FERMT2: variants seen among roughly 807,000 people sequenced by gnomAD.
FERMT2 encodes the protein fermitin family homolog 2.
In FERMT2, 15 loss-of-function variants were observed where a neutral mutation model predicts 82.7. The observed-to-expected ratio is 0.18, with a 90% CI of 0.12 to 0.28. The LOEUF is 0.28. FERMT2 is among the 10% of genes least tolerant of loss of function. The probability of loss-of-function intolerance (pLI) is 1.00; values close to 1 mark genes in which losing one functional copy is unlikely to be tolerated. For missense variants in FERMT2, 645 were observed against 809.4 expected, an observed-to-expected ratio of 0.80 and a Z score of 2.46; for synonymous variants, 274 against 271.5, an observed-to-expected ratio of 1.01 and a Z score of -0.09.
chr14:52,897,335 G>A (rs1272173443), intron 3 of FERMT2, among the ~76,000 whole-genome samples: 2 of 152,066 alleles, frequency 1.3e-5, no homozygotes, highest in African/African-American at 4.8e-5. Context: ...CACTGGAATA[G>A]AATTACTGGA....
intron 10 of FERMT2, among the ~76,000 whole-genome samples, chr14:52,866,848 G>A (rs971175118): frequency 1.3e-5 from 2 of 152,106 alleles, no homozygotes; most frequent in Non-Finnish European, 2.9e-5. Flanking sequence ...TCCACGCAGT[G>A]CAAGAGGCAT....
chr14:52,910,177 A>C (rs1226833283), intron 3 of FERMT2, among the ~76,000 whole-genome samples: 2 of 152,202 alleles, frequency 1.3e-5, no homozygotes, highest in Admixed American at 1.3e-4. Flanking sequence ...TAATTACAAA[A>C]ATTTTTTAAA....
At chr14:52,945,392 C>T (rs1027957434) in intron 2 of FERMT2, among the ~76,000 whole-genome samples, 18 of 151,638 alleles carry the variant, frequency 1.2e-4, no homozygotes, top group Non-Finnish European at 2.1e-4. Context: ...GGATTACAGG[C>T]GCCCGCTACC....
intron 2 of FERMT2, among the ~76,000 whole-genome samples, chr14:52,938,938 A>G (rs1312187156): frequency 6.6e-6 from 1 of 152,188 alleles, no homozygotes; most frequent in East Asian, 1.9e-4. Flanking sequence ...TATATGTGGA[A>G]GCATAAAATC....
chr14:52,927,589 C>CTG (rs1448645714), intron 2 of FERMT2, among the ~76,000 whole-genome samples: 1 of 36,430 alleles, frequency 2.7e-5, no homozygotes, highest in Non-Finnish European at 5.1e-5. Flanking sequence ...AACCTCATCC[C>CTG]TATAAAAAAA....
At position 52,931,639 on chromosome 14, in the gene FERMT2, T is replaced by C. The variant is rs187966266; in HGVS notation, c.158-12283A>G. ...GAGGGGAAGCTAGAAAGTTCCTAGC[T>C]TGATAATTAAATAGATGATAATAGC... On this transcript the variant is annotated intron_variant, in intron 2 of 14. Coordinates refer to ENST00000341590, the MANE Select transcript of FERMT2 (RefSeq NM_006832.3). 1.8e-4 allele frequency among the ~76,000 whole-genome samples: 27 copies of C among 152,324 alleles called. No homozygotes were observed. In the East Asian group the frequency reaches 4.8e-3, roughly 27 times the overall value.
chr14:52,858,381 A>G lies in FERMT2; in HGVS notation c.2039T>C (p.Val680Ala). ...TTCATTAAACAGTATTCCTATTCAC[A>G]CCCAACCACTGGTAAGTTTGTAGAA... is the stretch of plus-strand genomic sequence containing the variant. Reference protein sequence around the residue: ...EMFYKLTSGWV With the variant: ...EMFYKLTSGWA The change falls in exon 15 of 15, where the codon GTG (valine) becomes GCG (alanine). Residue 680 changes from valine to alanine, a missense_variant. Coordinates refer to ENST00000341590, the MANE Select transcript of FERMT2 (RefSeq NM_006832.3). 6.2e-7 allele frequency: 1 copy of G among 1,613,650 alleles called. No individual in the cohort carries two copies. Among genetic ancestry groups the G allele is most frequent in the Non-Finnish European group, 8.5e-7 (1 of 1,179,610 alleles).
At chr14:52,892,995 A>C (rs1887038309) in intron 4 of FERMT2, among the ~76,000 whole-genome samples, 1 of 152,090 alleles carries the variant, frequency 6.6e-6, no homozygotes, top group Non-Finnish European at 1.5e-5. Flanking sequence ...AAAATGCTGA[A>C]GGAGAGTTTA....
chr14:52,901,166 AGCTACTCCGGAG>A (rs1164704960), intron 3 of FERMT2, among the ~76,000 whole-genome samples: 4 of 147,328 alleles, frequency 2.7e-5, no homozygotes, highest in African/African-American at 1.0e-4. Flanking sequence ...CTGTAGTCCC[AGCTACTCCGGAG>A]GCTGAGGCAG....
chr14:52,867,955 T>C (rs1332067280), intron 10 of FERMT2, among the ~76,000 whole-genome samples: 1 of 152,192 alleles, frequency 6.6e-6, no homozygotes, highest in Non-Finnish European at 1.5e-5. Context: ...TTTGGATTAC[T>C]ATCATCTCTC....
At chr14:52,862,439 A>T (rs957007870) in intron 12 of FERMT2, among the ~76,000 whole-genome samples, 2 of 152,110 alleles carry the variant, frequency 1.3e-5, no homozygotes, top group Non-Finnish European at 2.9e-5. Context: ...AGGCCAAGGC[A>T]GGCAGATCAC....
intron 2 of FERMT2, among the ~76,000 whole-genome samples, chr14:52,941,387 C>T (rs1224455633): frequency 3.3e-5 from 5 of 151,908 alleles, no homozygotes; most frequent in Non-Finnish European, 7.4e-5. Flanking sequence ...GAATATTATA[C>T]TAAGAAGGAT....
intron 3 of FERMT2, among the ~76,000 whole-genome samples, chr14:52,906,909 T>C (rs1888041138): frequency 8.4e-6 from 1 of 118,966 alleles, no homozygotes; most frequent in Admixed American, 1.1e-4. Context: ...TCTCTGAAAT[T>C]ATGCAAACCA....
intron 2 of FERMT2, among the ~76,000 whole-genome samples, chr14:52,949,192 A>G (rs1003063115): frequency 1.3e-5 from 2 of 152,166 alleles, no homozygotes; most frequent in Admixed American, 6.5e-5. Context: ...TGGTCCTTCA[A>G]TAATAAAACT....
chr14:52,936,847 T>C (rs544294926), intron 2 of FERMT2, among the ~76,000 whole-genome samples: 2 of 152,270 alleles, frequency 1.3e-5, no homozygotes, highest in South Asian at 4.1e-4. Flanking sequence ...TACATTATAG[T>C]AATTACTATT....
chr14:52,948,552 C>T (rs1042784575), intron 2 of FERMT2: 2 of 455,476 alleles, frequency 4.4e-6, no homozygotes, highest in African/African-American at 4.0e-5. Flanking sequence ...ATACGCACAG[C>T]ATTTCCTACC....
At chr14:52,860,132 TTAG>T (rs1237189448) in intron 13 of FERMT2, 1 of 508,128 alleles carries the variant, frequency 2.0e-6, no homozygotes, top group African/African-American at 2.0e-5. Context: ...TGCTATTCTC[TTAG>T]TAGTAAAACA....
At chr14:52,936,640 C>G (rs938916385) in intron 2 of FERMT2, among the ~76,000 whole-genome samples, 1 of 152,180 alleles carries the variant, frequency 6.6e-6, no homozygotes, top group Non-Finnish European at 1.5e-5. Context: ...GCTGGGAATT[C>G]TCATCCTCTT....
chr14:52,889,060 GC>G (rs1317308613), intron 4 of FERMT2, among the ~76,000 whole-genome samples: 1 of 152,160 alleles, frequency 6.6e-6, no homozygotes, highest in African/African-American at 2.4e-5. Context: ...TGGGCTTACA[GC>G]TCAGCTCTAC....
Sources: allele counts gnomAD v4.1 joint callset (sites outside exome capture counted in the v4.1 genomes callset), GRCh38; gene constraint gnomAD v4.1.1; transcripts MANE v1.5; gene names NCBI Gene and HGNC (gene_info 2026-07-23, HGNC 2026-07-21).